The following ROCK1 variants were observed in gnomAD, a reference collection of about 807,000 sequenced individuals.
ROCK1 encodes Rho associated coiled-coil containing protein kinase 1.
A neutral mutation model predicts 196.8 loss-of-function variants in ROCK1; 36 were observed. The ratio of observed to expected loss-of-function variants is 0.18; its 90% CI spans 0.14 to 0.24. The LOEUF is 0.24. ROCK1 is among the 10% of genes least tolerant of loss of function. The pLI, the probability that ROCK1 is intolerant of heterozygous loss-of-function variation, is 1.00. For missense variants in ROCK1, 920 were observed against 1,562.0 expected (o/e 0.59, Z 6.93); for synonymous variants, 443 against 515.9 (o/e 0.86, Z 1.91).
chr18:20,991,367 A>G (rs1340361075), intron 17 of ROCK1, 41 bp from the exon 18 acceptor site: 1 of 1,348,802 alleles, frequency 7.4e-7, no homozygotes, highest in African/African-American at 1.5e-5. Flanking sequence ...AACTGTGCAG[A>G]AGGCATGCAT....
At chr18:20,971,909 A>C (rs906149046) in intron 22 of ROCK1, among the ~76,000 whole-genome samples, 2 of 152,176 alleles carry the variant, frequency 1.3e-5, no homozygotes, top group African/African-American at 4.8e-5. Context: ...CTAAGACAAC[A>C]GTAGAAGAAA....
chr18:20,961,582 G>A (rs1568368249), intron 27 of ROCK1, among the ~76,000 whole-genome samples: 1 of 152,074 alleles, frequency 6.6e-6, no homozygotes, highest in Non-Finnish European at 1.5e-5. Flanking sequence ...TCAAACCCCG[G>A]CAGTCTAATT....
At chr18:20,959,139 T>A (rs1441539037) in intron 29 of ROCK1, among the ~76,000 whole-genome samples, 8 of 62,642 alleles carry the variant, frequency 1.3e-4, no homozygotes, top group African/African-American at 5.4e-4. Context: ...ATTATATATA[T>A]TATATAAAAT....
chr18:21,085,080 AC>A (rs1363842325), intron 1 of ROCK1, among the ~76,000 whole-genome samples: 1 of 152,226 alleles, frequency 6.6e-6, no homozygotes, highest in African/African-American at 2.4e-5. Flanking sequence ...AATGGAGATT[AC>A]CATAGGCTGG....
intron 29 of ROCK1, among the ~76,000 whole-genome samples, chr18:20,959,352 C>G (rs1358423298): frequency 2.0e-5 from 3 of 147,016 alleles, no homozygotes; most frequent in Admixed American, 7.1e-5. Flanking sequence ...GCTGGGACTA[C>G]AGGCGCCTGC....
chr18:20,952,762 A>T (rs1409055734), intron 32 of ROCK1, among the ~76,000 whole-genome samples: 1 of 151,822 alleles, frequency 6.6e-6, no homozygotes, highest in Non-Finnish European at 1.5e-5. Context: ...TGGGTGACAG[A>T]GTGAGACTCT....
At chr18:20,995,486 TG>T (rs1413556850) in intron 16 of ROCK1, among the ~76,000 whole-genome samples, 2 of 152,160 alleles carry the variant, frequency 1.3e-5, no homozygotes, top group African/African-American at 4.8e-5. Flanking sequence ...AGCAGGCTCT[TG>T]GGGGTCCCCA....
At chr18:21,004,090 C>T (rs2143432993) in intron 16 of ROCK1, among the ~76,000 whole-genome samples, 1 of 152,270 alleles carries the variant, frequency 6.6e-6, no homozygotes, top group African/African-American at 2.4e-5. Context: ...CTTTTGGAAA[C>T]TTTCCCTATA....
At chr18:21,040,227 A>G (rs972472742) in intron 8 of ROCK1, among the ~76,000 whole-genome samples, 1 of 152,156 alleles carries the variant, frequency 6.6e-6, no homozygotes, top group Non-Finnish European at 1.5e-5. Context: ...TACAATGGTA[A>G]AGTTAGGCTT....
At chr18:20,975,037 T>C (rs2035466735) in intron 22 of ROCK1, among the ~76,000 whole-genome samples, 1 of 152,198 alleles carries the variant, frequency 6.6e-6, no homozygotes. Flanking sequence ...GTGCTAGACA[T>C]ACAGCAATGA....
At chr18:21,008,284 G>GAAA (rs958448101) in intron 13 of ROCK1, 90 bp from the exon 14 acceptor site, 2 of 719,428 alleles carry the variant, frequency 2.8e-6, no homozygotes, top group African/African-American at 1.9e-5. Flanking sequence ...CAAAAAACAA[G>GAAA]AAAAAAAAAA....
rs5823294 is a variant in ROCK1 at position 21,091,050 on chromosome 18, A to ATT, written c.93+19766_93+19767dup. 1.8e-3 allele frequency among the ~76,000 whole-genome samples: 275 copies of ATT among 148,984 alleles called. 1 individual carries two copies. Among genetic ancestry groups the ATT allele is most frequent in the African/African-American group, 5.7e-3 (231 of 40,404 alleles). Reference sequence around the variant, plus strand: ...ACTGCATAGATCTACTTATATGTGGATTTTTTTTTTCAATAAAATATACAC... The same window carrying ATT: ...ACTGCATAGATCTACTTATATGTGGATTTTTTTTTTTTCAATAAAATATACAC... On this transcript the variant is annotated intron_variant, in intron 1 of 32. Coordinates refer to ENST00000399799, the MANE Select transcript of ROCK1 (RefSeq NM_005406.3).
At chr18:21,083,899 C>A (rs2036503631) in intron 1 of ROCK1, among the ~76,000 whole-genome samples, 1 of 152,038 alleles carries the variant, frequency 6.6e-6, no homozygotes, top group South Asian at 2.1e-4. Context: ...GTGGTCAGTG[C>A]CCCTAATCCC....
intron 1 of ROCK1, among the ~76,000 whole-genome samples, chr18:21,092,011 T>G (rs73433124): frequency 1.7e-3 from 252 of 152,064 alleles, no homozygotes; most frequent in African/African-American, 5.7e-3. Context: ...ACTGTTAAAT[T>G]TGGGGAGGAG....
chr18:20,984,604 TAC>T, intron 19 of ROCK1, 69 bp from the exon 20 acceptor site: 1 of 1,173,678 alleles, frequency 8.5e-7, no homozygotes. Flanking sequence ...TTTGAAAGAC[TAC>T]TAACCAAATC....
At chr18:20,981,228 A>T (rs1457831041) in intron 21 of ROCK1, among the ~76,000 whole-genome samples, 1 of 151,984 alleles carries the variant, frequency 6.6e-6, no homozygotes, top group Non-Finnish European at 1.5e-5. Flanking sequence ...CCCCGTCTCT[A>T]CTAAAAGTAC....
intron 16 of ROCK1, among the ~76,000 whole-genome samples, chr18:20,996,096 GAC>G (rs1325107199): frequency 6.6e-6 from 1 of 152,174 alleles, no homozygotes; most frequent in Admixed American, 6.5e-5. Flanking sequence ...ATCCTGGAGA[GAC>G]AGAGATATAA....
chr18:21,037,671 C>T (rs577196045), intron 9 of ROCK1, among the ~76,000 whole-genome samples: 2 of 152,154 alleles, frequency 1.3e-5, no homozygotes, highest in East Asian at 1.9e-4. Flanking sequence ...AATCTAACCA[C>T]GCTAGAATAA....
intron 1 of ROCK1, among the ~76,000 whole-genome samples, chr18:21,102,369 C>A (rs1187079159): frequency 6.6e-6 from 1 of 152,178 alleles, no homozygotes. Context: ...CACCATACCC[C>A]ACTCCTATCT....
Sources: allele counts gnomAD v4.1 joint callset (sites outside exome capture counted in the v4.1 genomes callset), GRCh38; gene constraint gnomAD v4.1.1; transcripts MANE v1.5; gene names NCBI Gene and HGNC (gene_info 2026-07-23, HGNC 2026-07-21).